PBX3: variants seen among roughly 807,000 people sequenced by gnomAD.
PBX3 encodes the protein pre-B-cell leukemia transcription factor 3.
PBX3 carries 14 observed loss-of-function variants against 48.5 expected under a neutral mutation model. The observed-to-expected ratio is 0.29, with a 90% CI of 0.19 to 0.45. PBX3 has a LOEUF of 0.45. Among genes scored for constraint, PBX3 ranks in the 20% least tolerant of loss-of-function variants. The pLI, the probability that PBX3 is intolerant of heterozygous loss-of-function variation, is 1.00. For missense variants in PBX3, 386 were observed against 546.7 expected, an observed-to-expected ratio of 0.71 and a Z score of 2.93; for synonymous variants, 210 against 200.3, an observed-to-expected ratio of 1.05 and a Z score of -0.41.
chr9:125,948,990 C>T (rs990121841), intron 5 of PBX3, among the ~76,000 whole-genome samples: 1 of 152,094 alleles, frequency 6.6e-6, no homozygotes, highest in Non-Finnish European at 1.5e-5. Context: ...TGGTCTTAAA[C>T]TCCTAAGCTC....
intron 2 of PBX3, among the ~76,000 whole-genome samples, chr9:125,874,241 T>C (rs1840195580): frequency 6.6e-6 from 1 of 152,194 alleles, no homozygotes; most frequent in Non-Finnish European, 1.5e-5. Context: ...CCAGAGGATT[T>C]TTCTATGGAA....
chr9:125,864,136 A>G (rs1193088905), intron 2 of PBX3, among the ~76,000 whole-genome samples: 7 of 152,240 alleles, frequency 4.6e-5, no homozygotes, highest in Admixed American at 3.9e-4. Flanking sequence ...ATTTAAAATG[A>G]TGATATACTT....
intron 2 of PBX3, among the ~76,000 whole-genome samples, chr9:125,840,300 A>G (rs1839253435): frequency 2.0e-5 from 3 of 151,980 alleles, no homozygotes; most frequent in African/African-American, 7.2e-5. Flanking sequence ...TGTGTTTTAG[A>G]TGCCACTTAC....
At chr9:125,816,708 GTGTC>G (rs1838474847) in intron 2 of PBX3, among the ~76,000 whole-genome samples, 1 of 152,122 alleles carries the variant, frequency 6.6e-6, no homozygotes, top group Non-Finnish European at 1.5e-5. Context: ...GGAAAGGGTT[GTGTC>G]TGTCCTCAAG....
intron 6 of PBX3, 128 bp downstream of exon 6, chr9:125,960,977 A>G (rs1054699574): frequency 2.2e-6 from 2 of 926,618 alleles, no homozygotes; most frequent in African/African-American, 1.7e-5. Flanking sequence ...TTTATGTTCA[A>G]ATGCAGGCTT....
chr9:125,834,694 G>A (rs901848647), intron 2 of PBX3, among the ~76,000 whole-genome samples: 3 of 150,272 alleles, frequency 2.0e-5, no homozygotes, highest in Admixed American at 6.6e-5. Context: ...CACCTCACCC[G>A]ACCAATTATT....
Position 125,943,804 on chromosome 9 carries a change from A to C in PBX3, c.843+8197A>C, listed in dbSNP as rs370072184. 2.6e-5 allele frequency among the ~76,000 whole-genome samples: 4 copies of C among 151,546 alleles called. No individual in the cohort carries two copies. The South Asian group carries it at 6.3e-4, about 24-fold the overall frequency. On this transcript the variant is annotated intron_variant, in intron 5 of 8. Coordinates refer to ENST00000373489, the MANE Select transcript of PBX3 (RefSeq NM_006195.6). Reference sequence around the variant, plus strand: ...GAAACCACAAAGGATAATACTAGTGATTGGTTCTGTTACCCACTTGGCCTG... The same window carrying C: ...GAAACCACAAAGGATAATACTAGTGCTTGGTTCTGTTACCCACTTGGCCTG...
chr9:125,917,471 C>T (rs781201599), intron 3 of PBX3, among the ~76,000 whole-genome samples: 51 of 152,134 alleles, frequency 3.4e-4, no homozygotes, highest in Non-Finnish European at 3.8e-4. Flanking sequence ...GGCATGTACC[C>T]ATCATTATAG....
At chr9:125,852,081 T>C (rs987694660) in intron 2 of PBX3, among the ~76,000 whole-genome samples, 4 of 152,180 alleles carry the variant, frequency 2.6e-5, no homozygotes, top group Admixed American at 2.6e-4. Context: ...GGGAAAGATG[T>C]CTGGCAGATT....
chr9:125,924,121 C>T (rs1028658694), intron 3 of PBX3, among the ~76,000 whole-genome samples: 14 of 152,316 alleles, frequency 9.2e-5, no homozygotes, highest in Admixed American at 1.3e-4. Context: ...ACTCCCACTT[C>T]GCCCCCACAA....
At chr9:125,956,581 A>G (rs1020391218) in intron 5 of PBX3, among the ~76,000 whole-genome samples, 1 of 152,200 alleles carries the variant, frequency 6.6e-6, no homozygotes, top group Non-Finnish European at 1.5e-5. Flanking sequence ...GGACTGCATA[A>G]TGTGCACTAC....
intron 2 of PBX3, among the ~76,000 whole-genome samples, chr9:125,750,933 A>T (rs1338151628): frequency 6.6e-6 from 1 of 152,226 alleles, no homozygotes; most frequent in Non-Finnish European, 1.5e-5. Flanking sequence ...AGGGACTCAG[A>T]ATCCTCAATT....
At chr9:125,798,072 A>G (rs1040638117) in intron 2 of PBX3, among the ~76,000 whole-genome samples, 4 of 152,300 alleles carry the variant, frequency 2.6e-5, no homozygotes, top group African/African-American at 9.6e-5. Context: ...TATACTCTAA[A>G]TGCAAACATA....
At chr9:125,856,200 A>G (rs2132275108) in intron 2 of PBX3, among the ~76,000 whole-genome samples, 1 of 152,356 alleles carries the variant, frequency 6.6e-6, no homozygotes, top group South Asian at 2.1e-4. Context: ...AAATAAATAT[A>G]TTAATAAAAG....
chr9:125,899,244 CATAT>C (rs1840854757), intron 2 of PBX3, among the ~76,000 whole-genome samples: 1 of 122,682 alleles, frequency 8.2e-6, no homozygotes, highest in South Asian at 2.4e-4. Flanking sequence ...TATAAATATA[CATAT>C]GTATATATAT....
intron 2 of PBX3, among the ~76,000 whole-genome samples, chr9:125,900,542 T>A (rs1451239173): frequency 6.6e-6 from 1 of 151,678 alleles, no homozygotes; most frequent in East Asian, 1.9e-4. Context: ...GACCCCAGCA[T>A]AATTGTATGT....
chr9:125,760,337 CAG>C (rs1188875067), intron 2 of PBX3, among the ~76,000 whole-genome samples: 1 of 151,682 alleles, frequency 6.6e-6, no homozygotes, highest in African/African-American at 2.4e-5. Flanking sequence ...CTCTTTTAAA[CAG>C]TGCATCTTTT....
At chr9:125,947,974 T>G (rs1236735143) in intron 5 of PBX3, among the ~76,000 whole-genome samples, 1 of 152,208 alleles carries the variant, frequency 6.6e-6, no homozygotes, top group Non-Finnish European at 1.5e-5. Context: ...CACACTTTTC[T>G]GTAACTGAAC....
intron 2 of PBX3, 43 bp downstream of exon 2, chr9:125,748,666 T>TG: frequency 2.0e-6 from 3 of 1,505,036 alleles, no homozygotes; most frequent in Non-Finnish European, 2.8e-6. Flanking sequence ...ACCCCCGAGG[T>TG]GGGGGTCGGA....
Sources: gnomAD v4.1 joint callset for allele counts (sites outside exome capture counted in the v4.1 genomes callset) on GRCh38, gnomAD v4.1.1 for gene constraint, MANE v1.5 for transcripts, NCBI Gene and HGNC (gene_info 2026-07-23, HGNC 2026-07-21) for gene names.